The following ENPP1 variants were observed in gnomAD, a reference collection of about 807,000 sequenced individuals.
ENPP1 encodes ectonucleotide pyrophosphatase/phosphodiesterase family member 1.
ENPP1 carries 73 observed loss-of-function variants against 122.8 expected under a neutral mutation model. That is an observed-to-expected ratio of 0.59 (90% CI 0.49 to 0.72). The LOEUF is 0.72. Ranked by LOEUF, ENPP1 falls within the 30% of genes least tolerant of loss-of-function variation. The pLI is 0.00. For missense variants in ENPP1, 978 were observed against 1,128.1 expected (o/e 0.87, Z 1.91); for synonymous variants, 367 against 391.6 (o/e 0.94, Z 0.74).
intron 2 of ENPP1, among the ~76,000 whole-genome samples, chr6:131,848,583 G>A (rs1055495224): frequency 3.3e-5 from 5 of 152,102 alleles, no homozygotes; most frequent in Non-Finnish European, 7.4e-5. Flanking sequence ...GTAATTTTAT[G>A]TATCAGTAAA....
Position 131,860,472 on chromosome 6 carries a change from A to C in ENPP1, c.881A>C (p.Glu294Ala), listed in dbSNP as rs1162754201. The change falls in exon 8 of 25, where the codon GAG (glutamate) becomes GCG (alanine). Residue 294 changes from glutamate (E) to alanine (A), a missense_variant. By Grantham distance (107) the Glu-to-Ala change is moderately radical. Around this residue, in one of 3 missense-constraint regions of ENPP1, gnomAD observed 644 missense variants for 781.5 expected, o/e 0.82. Coordinates refer to ENST00000647893, the MANE Select transcript of ENPP1 (RefSeq NM_006208.3). ...MNASFSLKSK[E>A]KFNPEWYKGE... ...GCTTCCTTTTCACTTAAAAGTAAAGAGAAATTTAATCCTGAGTGGTACAAA... is the reference window on the plus strand; with the variant it reads ...GCTTCCTTTTCACTTAAAAGTAAAGCGAAATTTAATCCTGAGTGGTACAAA... The C allele has an allele frequency of 6.3e-7, 1 of 1,599,484 alleles. No individual in the cohort carries two copies. The highest frequency in any genetic ancestry group is 8.6e-7 in the Non-Finnish European group (1 of 1,167,596).
At position 131,877,155 on chromosome 6, in the gene ENPP1, C is replaced by G. The variant is rs1472148839; in HGVS notation, c.1887C>G (p.Asn629Lys). 6.2e-7 allele frequency: 1 copy of G among 1,613,524 alleles called. No individual in the cohort carries two copies. The highest frequency in any genetic ancestry group is 8.5e-7 in the Non-Finnish European group (1 of 1,179,762). The change falls in exon 18 of 25, where the codon AAC (asparagine) becomes AAG (lysine). Residue 629 changes from asparagine (N) to lysine (K), a missense_variant. Asn to Lys is a moderately conservative substitution (Grantham distance 94). Around this residue, in one of 3 missense-constraint regions of ENPP1, gnomAD observed 644 missense variants for 781.5 expected, o/e 0.82. Coordinates refer to ENST00000647893, the MANE Select transcript of ENPP1 (RefSeq NM_006208.3). ...GAGATAACCTTGGCTGCTCATGTAACCCTTCGGTAAGTATCGTCAAGAAGT... is the reference window on the plus strand; with the variant it reads ...GAGATAACCTTGGCTGCTCATGTAAGCCTTCGGTAAGTATCGTCAAGAAGT... ...NPRDNLGCSC[N>K]PSILPIEDFQ...
chr6:131,853,335 A>G (rs1201889154), intron 5 of ENPP1, among the ~76,000 whole-genome samples: 1 of 152,200 alleles, frequency 6.6e-6, no homozygotes, highest in Non-Finnish European at 1.5e-5. Flanking sequence ...TGTTAGACTT[A>G]GTGAATTTCA....
rs1782480551 is a variant in ENPP1, at chr6:131,892,238, T to C, written c.*1727T>C. 1 of 152,238 alleles carries C rather than the reference T, an allele frequency of 6.6e-6. No individual in the cohort carries two copies. Among genetic ancestry groups the C allele is most frequent in the Admixed American group, 6.5e-5 (1 of 15,292 alleles). The allele number at this position is 152,238 out of a possible 1,614,324, so 9.4% of individuals were successfully genotyped here. Reference sequence around the variant, plus strand: ...CTGGATATTTTTAGGTATTATGTTATGAGACTATGGGTCTTATTTAAACCT... The same window carrying C: ...CTGGATATTTTTAGGTATTATGTTACGAGACTATGGGTCTTATTTAAACCT... On this transcript the variant is annotated 3_prime_UTR_variant, in exon 25 of 25. Coordinates refer to ENST00000647893, the MANE Select transcript of ENPP1 (RefSeq NM_006208.3).
intron 1 of ENPP1, chr6:131,820,041 T>G (rs529434030): frequency 8.0e-4 from 439 of 549,702 alleles, no homozygotes; most frequent in Non-Finnish European, 1.4e-3. Context: ...ATAATCTCCA[T>G]GGAGACTGAC....
In ENPP1 at chr6:131,895,115, G is replaced by A. The variant is rs1265041761; in HGVS notation, c.*4604G>A. The A allele has an allele frequency of 6.6e-6, 1 of 152,220 alleles. No homozygotes were observed. The highest frequency in any genetic ancestry group is 2.4e-5 in the African/African-American group (1 of 41,454). The allele number at this position is 152,220 out of a possible 1,614,324, so 9.4% of individuals were successfully genotyped here. On this transcript the variant is annotated 3_prime_UTR_variant, in exon 25 of 25. Transcript: ENST00000647893. ...GTGTACGGAATATAATTGTCTCTAA[G>A]CTAAGAAATGTGGATGTTCAAATAA...
chr6:131,843,593 C>G (rs188257341), intron 1 of ENPP1, among the ~76,000 whole-genome samples: 3 of 151,982 alleles, frequency 2.0e-5, no homozygotes, highest in African/African-American at 7.3e-5. Context: ...TCCACCCATG[C>G]CTTAATTCTC....
chr6:131,830,477 G>A (rs1347527471), intron 1 of ENPP1, among the ~76,000 whole-genome samples: 1 of 152,140 alleles, frequency 6.6e-6, no homozygotes, highest in African/African-American at 2.4e-5. Flanking sequence ...GGGAGTCCAG[G>A]CACCTGACCA....
chr6:131,879,752 GTTTTTTTAATAGTTAAAAGTAAA>G, intron 19 of ENPP1, 105 bp from the exon 20 acceptor site: 1 of 842,146 alleles, frequency 1.2e-6, no homozygotes, highest in Non-Finnish European at 1.9e-6. Flanking sequence ...TTTGTAATCA[GTTTTTTTAATAGTTAAAAGTAAA>G]TCTTCAATAT....
intron 1 of ENPP1, among the ~76,000 whole-genome samples, chr6:131,847,132 A>C (rs1585812583): frequency 6.6e-6 from 1 of 152,214 alleles, no homozygotes; most frequent in African/African-American, 2.4e-5. Flanking sequence ...CCCACAAGGT[A>C]CCACAGTACA....
Position 131,869,968 on chromosome 6 carries a change from C to T in ENPP1, c.1405+479C>T, listed in dbSNP as rs77948963. Among the ~76,000 whole-genome samples, 1,079 of 151,478 alleles carry T rather than the reference C, an allele frequency of 7.1e-3. 10 individuals carry two copies. The highest frequency in any genetic ancestry group is 0.024 in the African/African-American group (1,011 of 41,284). On this transcript the variant is annotated intron_variant, in intron 13 of 24. Transcript: ENST00000647893. ...AAATCTCCAATGCAGAGCTTTTGTA[C>T]ACAAATGGATTTTATGGGACTGGAT...
At chr6:131,853,023 A>G (rs1338763521) in intron 5 of ENPP1, among the ~76,000 whole-genome samples, 4 of 152,148 alleles carry the variant, frequency 2.6e-5, no homozygotes, top group Non-Finnish European at 4.4e-5. Context: ...TTTGAGGTCT[A>G]CCATCTCATA....
intron 1 of ENPP1, among the ~76,000 whole-genome samples, chr6:131,825,713 G>A (rs1781537866): frequency 1.3e-5 from 2 of 151,992 alleles, no homozygotes; most frequent in South Asian, 4.1e-4. Context: ...AGATATCAAC[G>A]TTCTTATAAA....
chr6:131,826,844 T>C (rs187217646), intron 1 of ENPP1: 36 of 378,992 alleles, frequency 9.5e-5, no homozygotes, highest in African/African-American at 7.0e-4. Context: ...AGCCTCCCTG[T>C]GTGGGGCAGA....
At chr6:131,866,006 A>AG (rs777785068) in intron 11 of ENPP1, among the ~76,000 whole-genome samples, 5,451 of 130,332 alleles carry the variant, frequency 0.042, 144 homozygotes, top group African/African-American at 0.11. Flanking sequence ...AAAAAAAAAA[A>AG]AAGAGAAAAA....
intron 15 of ENPP1, among the ~76,000 whole-genome samples, chr6:131,873,479 A>T (rs1364075215): frequency 1.3e-5 from 2 of 152,166 alleles, no homozygotes; most frequent in Non-Finnish European, 2.9e-5. Flanking sequence ...TCTCCTGCAC[A>T]TTACAGTATG....
At chr6:131,812,482 C>T (rs1269447128) in intron 1 of ENPP1, among the ~76,000 whole-genome samples, 1 of 152,128 alleles carries the variant, frequency 6.6e-6, no homozygotes, top group African/African-American at 2.4e-5. Flanking sequence ...GTTTTTGTCT[C>T]CTAAGAGCTT....
At chr6:131,834,725 G>A (rs1323978078) in intron 1 of ENPP1, among the ~76,000 whole-genome samples, 5 of 131,248 alleles carry the variant, frequency 3.8e-5, no homozygotes, top group Non-Finnish European at 8.8e-5. Context: ...TAGTAGAGAC[G>A]GGGTTTCACC....
chr6:131,851,407 T>G, intron 4 of ENPP1, 140 bp downstream of exon 4: 1 of 1,049,830 alleles, frequency 9.5e-7, no homozygotes, highest in Non-Finnish European at 1.4e-6. Flanking sequence ...TTAAAACTTT[T>G]TATTAAAGAA....
Sources: allele counts gnomAD v4.1 joint callset (sites outside exome capture counted in the v4.1 genomes callset), GRCh38; gene constraint gnomAD v4.1.1; regional missense constraint gnomAD v4.1.1; transcripts MANE v1.5; gene names NCBI Gene and HGNC (gene_info 2026-07-23, HGNC 2026-07-21).